NALCN: variants seen among roughly 807,000 people sequenced by gnomAD.
NALCN encodes sodium leak channel, non-selective.
NALCN carries 111 observed loss-of-function variants against 225.3 expected under a neutral mutation model. The observed-to-expected ratio is 0.49, with a 90% CI of 0.42 to 0.58. The LOEUF is 0.58. Ranked by LOEUF, NALCN falls within the 20% of genes least tolerant of loss-of-function variation. The pLI is 0.00. For missense variants in NALCN, 1,378 were observed against 2,202.4 expected (o/e 0.63, Z 7.49); for synonymous variants, 764 against 769.0 (o/e 0.99, Z 0.11).
intron 13 of NALCN, among the ~76,000 whole-genome samples, chr13:101,220,788 A>C (rs1211146622): frequency 6.6e-6 from 1 of 152,242 alleles, no homozygotes; most frequent in African/African-American, 2.4e-5. Context: ...GGATCTAAAA[A>C]GCAGCCTTGC....
At chr13:101,127,776 T>C (rs1351437275) in intron 17 of NALCN, among the ~76,000 whole-genome samples, 1 of 152,260 alleles carries the variant, frequency 6.6e-6, no homozygotes, top group Non-Finnish European at 1.5e-5. Context: ...ATTTAGATCG[T>C]TATATACTTT....
At chr13:101,395,083 G>T (rs1411997291) in intron 3 of NALCN, 100 bp downstream of exon 3, 4 of 1,170,118 alleles carry the variant, frequency 3.4e-6, no homozygotes, top group African/African-American at 3.1e-5. Flanking sequence ...AAGATAAAAT[G>T]ATGTTTTGTT....
intron 15 of NALCN, among the ~76,000 whole-genome samples, chr13:101,168,499 G>A (rs922347889): frequency 1.3e-5 from 2 of 151,982 alleles, no homozygotes; most frequent in African/African-American, 4.8e-5. Context: ...TAGAAATCTG[G>A]GTGACATCCC....
Position 101,089,144 on chromosome 13 carries a change from C to A in NALCN, c.3489+519G>T, listed in dbSNP as rs1191716375. Among the ~76,000 whole-genome samples, 1 of 152,014 alleles carries A rather than the reference C, an allele frequency of 6.6e-6. No homozygotes were observed. The highest frequency in any genetic ancestry group is 1.5e-5 in the Non-Finnish European group (1 of 68,000). ...AACTCCTGACCTCAAGTGATCCACC[C>A]GCCTTGGCCTCCCAAAGTGCTGGGA... On this transcript the variant is annotated intron_variant, in intron 30 of 43. Transcript: ENST00000251127. This position sits in a 1 kb window ranked among gnomAD's most constrained non-coding sequence, Gnocchi z 4.7.
chr13:101,154,101 G>A (rs1318968019), intron 15 of NALCN, among the ~76,000 whole-genome samples: 5 of 152,182 alleles, frequency 3.3e-5, no homozygotes, highest in African/African-American at 1.2e-4. Flanking sequence ...TGCTGGATAT[G>A]ATGCTGAACA....
At chr13:101,080,134 G>A (rs547934063) in intron 34 of NALCN, among the ~76,000 whole-genome samples, 2 of 152,242 alleles carry the variant, frequency 1.3e-5, no homozygotes, top group East Asian at 3.9e-4. Flanking sequence ...GGATTATGAA[G>A]TTATATTGGC....
At chr13:101,254,370 CAAAAAAAA>C (rs66465051) in intron 11 of NALCN, among the ~76,000 whole-genome samples, 4 of 68,062 alleles carry the variant, frequency 5.9e-5, no homozygotes, top group Non-Finnish European at 7.4e-5. Flanking sequence ...GGGACTGTCT[CAAAAAAAA>C]AAAAAAAAAA....
intron 3 of NALCN, 122 bp from the exon 4 acceptor site, chr13:101,378,775 A>G: frequency 1.5e-6 from 1 of 662,784 alleles, no homozygotes; most frequent in Non-Finnish European, 2.4e-6. Context: ...TCATAATAGA[A>G]CAGACTTTCA....
At chr13:101,209,453 G>A (rs2040442249) in intron 13 of NALCN, among the ~76,000 whole-genome samples, 1 of 152,140 alleles carries the variant, frequency 6.6e-6, no homozygotes, top group Non-Finnish European at 1.5e-5. Flanking sequence ...TCCTCATGAT[G>A]AGCCTTTTAG....
intron 1 of NALCN, among the ~76,000 whole-genome samples, chr13:101,404,780 T>C (rs1386227173): frequency 1.3e-5 from 2 of 152,340 alleles, no homozygotes; most frequent in Non-Finnish European, 2.9e-5. Context: ...TAAATACACA[T>C]GTGCAGAAAA....
intron 15 of NALCN, among the ~76,000 whole-genome samples, chr13:101,154,386 T>C (rs2037802703): frequency 6.6e-6 from 1 of 152,220 alleles, no homozygotes; most frequent in Non-Finnish European, 1.5e-5. Flanking sequence ...TGCCTGTTAT[T>C]CCTCTTATAT....
rs371883868 is a variant in NALCN, at chr13:101,203,702, T to C, written c.1627-11648A>G. ...TTCCTTTCATCTTTGAAGTACACGA[T>C]ACATATCTTCCAGCTATAAAGGTCT... On this transcript the variant is annotated intron_variant, in intron 13 of 43. Transcript: ENST00000251127. Among the ~76,000 whole-genome samples, 47 of 152,352 alleles carry C rather than the reference T, an allele frequency of 3.1e-4. No homozygotes were observed. The South Asian group carries it at 4.3e-3, about 14-fold the overall frequency.
At chr13:101,336,162 C>T (rs2045371553) in intron 7 of NALCN, among the ~76,000 whole-genome samples, 1 of 152,048 alleles carries the variant, frequency 6.6e-6, no homozygotes, top group Non-Finnish European at 1.5e-5. Flanking sequence ...ATTGTCAATC[C>T]TATTTCAGCA....
At chr13:101,252,440 C>A (rs1480110805) in intron 11 of NALCN, among the ~76,000 whole-genome samples, 1 of 152,054 alleles carries the variant, frequency 6.6e-6, no homozygotes, top group Non-Finnish European at 1.5e-5. Context: ...CTCTTAATAG[C>A]AGAGCTTTTT....
At chr13:101,143,352 CTA>C (rs2037189269) in intron 16 of NALCN, 131 bp from the exon 17 acceptor site, 2 of 867,264 alleles carry the variant, frequency 2.3e-6, no homozygotes, top group Admixed American at 7.1e-5. Context: ...TAGATCATGA[CTA>C]AAATATTTCA....
At chr13:101,144,070 C>T (rs1174032061) in intron 16 of NALCN, among the ~76,000 whole-genome samples, 1 of 152,158 alleles carries the variant, frequency 6.6e-6, no homozygotes, top group Non-Finnish European at 1.5e-5. Context: ...TAACCCCCCA[C>T]AGAATTATTT....
chr13:101,342,229 A>G (rs985651758), intron 7 of NALCN, among the ~76,000 whole-genome samples: 9 of 152,208 alleles, frequency 5.9e-5, no homozygotes, highest in African/African-American at 1.9e-4. Flanking sequence ...GAGAGCCTTT[A>G]AAAGCCATCT....
intron 7 of NALCN, among the ~76,000 whole-genome samples, chr13:101,331,916 G>C (rs1208185650): frequency 6.6e-6 from 1 of 152,106 alleles, no homozygotes; most frequent in Admixed American, 6.5e-5. Flanking sequence ...CCTGTGTCTG[G>C]GGAGGCACTG....
intron 6 of NALCN, among the ~76,000 whole-genome samples, chr13:101,359,343 T>C (rs2046156609): frequency 6.6e-6 from 1 of 152,208 alleles, no homozygotes; most frequent in Non-Finnish European, 1.5e-5. Flanking sequence ...AAAGACTACT[T>C]AAAATCAACA....
Sources: allele counts gnomAD v4.1 joint callset (sites outside exome capture counted in the v4.1 genomes callset), GRCh38; gene constraint gnomAD v4.1.1; non-coding constraint Gnocchi (gnomAD v3.1); transcripts MANE v1.5; gene names NCBI Gene and HGNC (gene_info 2026-07-23, HGNC 2026-07-21).